Variants in FAF1 observed in about 807,000 individuals in gnomAD.
The protein encoded by FAF1 is Fas associated factor 1.
In FAF1, 25 loss-of-function variants were observed where a neutral mutation model predicts 92.5. The ratio of observed to expected loss-of-function variants is 0.27; its 90% CI spans 0.20 to 0.38. FAF1 has a LOEUF of 0.38. Among genes scored for constraint, FAF1 ranks in the 10% least tolerant of loss-of-function variants. The pLI, the probability that FAF1 is intolerant of heterozygous loss-of-function variation, is 1.00. For missense variants in FAF1, 636 were observed against 793.3 expected (o/e 0.80, Z 2.38); for synonymous variants, 234 against 273.2 (o/e 0.86, Z 1.42).
In FAF1 at chr1:50,621,688, C is replaced by T. The variant is rs886591443; in HGVS notation, c.745-25472G>A. Among the ~76,000 whole-genome samples the T allele has an allele frequency of 3.3e-5, 5 of 151,890 alleles. No individual in the cohort carries two copies. In the East Asian group the frequency reaches 9.8e-4, roughly 30 times the overall value. ...GTGCTGAGATTACAGGAGTGAGGCA[C>T]TGCACCTGGCCCAGCCCCGATCTTT... On this transcript the variant is annotated intron_variant, in intron 8 of 18. Transcript: ENST00000396153.
At chr1:50,639,105 C>T (rs1654200500) in intron 8 of FAF1, among the ~76,000 whole-genome samples, 1 of 152,174 alleles carries the variant, frequency 6.6e-6, no homozygotes, top group Non-Finnish European at 1.5e-5. Flanking sequence ...TCATCATTAA[C>T]TTAAGTATTG....
intron 1 of FAF1, among the ~76,000 whole-genome samples, chr1:50,871,848 G>A (rs997660548): frequency 6.6e-6 from 1 of 152,020 alleles, no homozygotes; most frequent in Non-Finnish European, 1.5e-5. Flanking sequence ...GGCGGATCAC[G>A]AGGTCAGGAG....
chr1:50,829,113 C>A (rs1255707057), intron 2 of FAF1, among the ~76,000 whole-genome samples: 4 of 152,150 alleles, frequency 2.6e-5, no homozygotes, highest in Admixed American at 6.5e-5. Flanking sequence ...AAAAGGCTGA[C>A]AGGTAGTGAG....
rs1254932162 is a variant in FAF1 at position 50,689,598 on chromosome 1, A to T, written c.657+16188T>A. Reference sequence around the variant, plus strand: ...GACTCCGTCTGAAAAAAAACAAAAAACAAAACAAAACAAAACATATGTCCA... The same window carrying T: ...GACTCCGTCTGAAAAAAAACAAAAATCAAAACAAAACAAAACATATGTCCA... On this transcript the variant is annotated intron_variant, in intron 7 of 18. Coordinates refer to ENST00000396153, the MANE Select transcript of FAF1 (RefSeq NM_007051.3). Among the ~76,000 whole-genome samples, 3 of 152,328 alleles carry T rather than the reference A, an allele frequency of 2.0e-5. No homozygotes were observed. The East Asian group carries it at 5.8e-4, about 29-fold the overall frequency.
chr1:50,472,368 TACACACACACACACACACACACACACAC>T (rs71850142), intron 18 of FAF1, among the ~76,000 whole-genome samples: 5 of 123,886 alleles, frequency 4.0e-5, no homozygotes, highest in Non-Finnish European at 6.6e-5. Context: ...GGGGAAAACA[TACACACACACACACACACACACACACAC>T]ACACACACAC....
intron 7 of FAF1, among the ~76,000 whole-genome samples, chr1:50,698,217 T>C (rs1054243462): frequency 1.6e-4 from 25 of 152,132 alleles, no homozygotes; most frequent in Non-Finnish European, 3.5e-4. Context: ...TTTCTTATCT[T>C]AGGACTAGAA....
At chr1:50,947,289 C>G (rs1029658377) in intron 1 of FAF1, among the ~76,000 whole-genome samples, 2 of 152,178 alleles carry the variant, frequency 1.3e-5, no homozygotes, top group Non-Finnish European at 2.9e-5. Flanking sequence ...TCCAGGGAGC[C>G]TGGATGAACT....
chr1:50,890,873 G>A lies in FAF1; in HGVS notation c.46-32876C>T, dbSNP rs547829168. 7.2e-5 allele frequency among the ~76,000 whole-genome samples: 11 copies of A among 152,192 alleles called. No individual in the cohort carries two copies. In the South Asian group the frequency reaches 8.3e-4, roughly 11 times the overall value. ...TCTCCCTGAGGATTATCTTTGTGAC[G>A]TTCTCTGTATTTCCTGAATTTGAAT... On this transcript the variant is annotated intron_variant, in intron 1 of 18. Coordinates refer to ENST00000396153, the MANE Select transcript of FAF1 (RefSeq NM_007051.3).
At chr1:50,676,572 G>A (rs1656130782) in intron 7 of FAF1, among the ~76,000 whole-genome samples, 1 of 152,150 alleles carries the variant, frequency 6.6e-6, no homozygotes, top group Non-Finnish European at 1.5e-5. Flanking sequence ...TGTAATCCCA[G>A]CACTTTGGGA....
intron 2 of FAF1, among the ~76,000 whole-genome samples, chr1:50,853,674 T>C (rs1398868): frequency 0.29 from 43,564 of 151,918 alleles, 6,572 homozygotes; most frequent in Middle Eastern, 0.47. Flanking sequence ...TTATCAAGTA[T>C]ATGTCAGATA....
intron 2 of FAF1, among the ~76,000 whole-genome samples, chr1:50,807,719 A>T (rs529559504): frequency 2.4e-4 from 37 of 152,302 alleles, no homozygotes; most frequent in African/African-American, 7.9e-4. Flanking sequence ...GACAAAAATT[A>T]AAAAAAGAGA....
At chr1:50,555,326 G>A (rs1649522345) in intron 13 of FAF1, among the ~76,000 whole-genome samples, 1 of 151,666 alleles carries the variant, frequency 6.6e-6, no homozygotes, top group African/African-American at 2.4e-5. Context: ...CTTCTAAAAA[G>A]CTTCTGCATA....
chr1:50,851,002 T>C (rs1362294388), intron 2 of FAF1, among the ~76,000 whole-genome samples: 1 of 152,062 alleles, frequency 6.6e-6, no homozygotes, highest in African/African-American at 2.4e-5. Flanking sequence ...AGCTAAATTG[T>C]AGGTTAGTAA....
chr1:50,657,152 C>CA (rs1166198908), intron 7 of FAF1, among the ~76,000 whole-genome samples: 2 of 151,414 alleles, frequency 1.3e-5, no homozygotes, highest in Non-Finnish European at 2.9e-5. Context: ...GTTGAGGATA[C>CA]AGTGAGCCAT....
chr1:50,567,039 T>G, intron 13 of FAF1, 38 bp downstream of exon 13: 1 of 1,460,596 alleles, frequency 6.8e-7, no homozygotes, highest in Non-Finnish European at 9.2e-7. Context: ...TTTTTTTTAA[T>G]AGAAGCCCAA....
At chr1:50,804,054 T>C (rs1269630365) in intron 2 of FAF1, among the ~76,000 whole-genome samples, 1 of 152,192 alleles carries the variant, frequency 6.6e-6, no homozygotes, top group African/African-American at 2.4e-5. Flanking sequence ...ATTTTGAACA[T>C]GTTAACTTTC....
At chr1:50,697,979 C>T (rs1657306304) in intron 7 of FAF1, among the ~76,000 whole-genome samples, 1 of 152,050 alleles carries the variant, frequency 6.6e-6, no homozygotes, top group Non-Finnish European at 1.5e-5. Flanking sequence ...GAAAAATTAC[C>T]ATAACCAGAT....
chr1:50,457,276 T>C (rs571037078), intron 18 of FAF1, among the ~76,000 whole-genome samples: 3 of 151,182 alleles, frequency 2.0e-5, no homozygotes, highest in Non-Finnish European at 4.4e-5. Flanking sequence ...AAGAACAGGG[T>C]GTGGTTTTGG....
chr1:50,711,979 A>G (rs986622149), intron 6 of FAF1, among the ~76,000 whole-genome samples: 3 of 152,234 alleles, frequency 2.0e-5, no homozygotes, highest in African/African-American at 7.2e-5. Flanking sequence ...TGAAGTTATT[A>G]TCATTATTTC....
Sources: allele counts gnomAD v4.1 joint callset (sites outside exome capture counted in the v4.1 genomes callset), GRCh38; gene constraint gnomAD v4.1.1; transcripts MANE v1.5; gene names NCBI Gene and HGNC (gene_info 2026-07-23, HGNC 2026-07-21).